MYO3B: variants seen among roughly 807,000 people sequenced by gnomAD.
MYO3B encodes the protein myosin-IIIb.
MYO3B carries 156 observed loss-of-function variants against 174.6 expected under a neutral mutation model. That is an observed-to-expected ratio of 0.89 (90% CI 0.78 to 1.02). The LOEUF (loss-of-function observed/expected upper bound fraction) is 1.02, where lower values mean the gene tolerates loss of function less well. MYO3B is among the 50% of genes least tolerant of loss of function. The pLI, the probability that MYO3B is intolerant of heterozygous loss-of-function variation, is 0.00. For synonymous variants in MYO3B, 563 were observed against 569.1 expected (o/e 0.99, Z 0.15); for missense variants, 1,632 against 1,639.4 (o/e 1.00, Z 0.08).
chr2:170,651,132 A>G (rs1698980208), intron 32 of MYO3B, among the ~76,000 whole-genome samples: 1 of 152,110 alleles, frequency 6.6e-6, no homozygotes, highest in African/African-American at 2.4e-5. Flanking sequence ...TGTTCAAAGC[A>G]TTTCAGTAAA....
At chr2:170,393,226 GGT>G (rs2094424896) in intron 16 of MYO3B, among the ~76,000 whole-genome samples, 1 of 151,738 alleles carries the variant, frequency 6.6e-6, no homozygotes, top group African/African-American at 2.4e-5. Context: ...TGGGGTTACA[GGT>G]GTGTGCCACC....
At chr2:170,479,057 G>T (rs911711460) in intron 25 of MYO3B, among the ~76,000 whole-genome samples, 2 of 150,352 alleles carry the variant, frequency 1.3e-5, no homozygotes, top group African/African-American at 4.9e-5. Flanking sequence ...GCCGAGGCGG[G>T]TGGATCACCT....
intron 6 of MYO3B, among the ~76,000 whole-genome samples, chr2:170,226,226 G>A (rs1024640918): frequency 6.6e-6 from 1 of 152,158 alleles, no homozygotes; most frequent in African/African-American, 2.4e-5. Context: ...GCAGGCTTTG[G>A]GAGCTCAGGA....
At chr2:170,555,269 T>C (rs993748832) in intron 32 of MYO3B, among the ~76,000 whole-genome samples, 1 of 152,202 alleles carries the variant, frequency 6.6e-6, no homozygotes, top group African/African-American at 2.4e-5. Context: ...GAGCCCATAT[T>C]GATACACTAT....
chr2:170,312,797 C>T (rs936641909), intron 7 of MYO3B, among the ~76,000 whole-genome samples: 2 of 152,158 alleles, frequency 1.3e-5, no homozygotes, highest in Admixed American at 1.3e-4. Context: ...ATCACACCTA[C>T]GTACAATTTT....
intron 7 of MYO3B, among the ~76,000 whole-genome samples, chr2:170,279,055 G>T (rs1355789309): frequency 1.3e-5 from 2 of 151,946 alleles, no homozygotes; most frequent in East Asian, 1.9e-4. Flanking sequence ...AGACATTGAG[G>T]TTGATTTTTT....
At chr2:170,184,659 A>T (rs1303767722) in intron 1 of MYO3B, among the ~76,000 whole-genome samples, 3 of 152,206 alleles carry the variant, frequency 2.0e-5, no homozygotes. Flanking sequence ...GGGAGTGCAG[A>T]TAGTTCTTCA....
rs1318033170 is a variant in MYO3B, at chr2:170,651,615, GCT to G, written c.3734-10_3734-9del. ...CTCGGACAGTTTACAGCAAAGTTTT[GCT>G]CTTTTTTCAGGTTCAGAAAATGGTC... On this transcript the variant is annotated splice_polypyrimidine_tract_variant and intron_variant, in intron 32 of 34. Transcript: ENST00000408978. 1 of 1,612,508 alleles carries G rather than the reference GCT, an allele frequency of 6.2e-7. No homozygotes were observed. The highest frequency in any genetic ancestry group is 1.7e-5 in the Admixed American group (1 of 59,972).
At chr2:170,442,782 T>C (rs1485716879) in intron 22 of MYO3B, among the ~76,000 whole-genome samples, 1 of 152,184 alleles carries the variant, frequency 6.6e-6, no homozygotes, top group Non-Finnish European at 1.5e-5. Flanking sequence ...GATAGTTTGC[T>C]CAGAATGATG....
intron 32 of MYO3B, among the ~76,000 whole-genome samples, chr2:170,643,380 A>G (rs1456826676): frequency 6.6e-6 from 1 of 152,184 alleles, no homozygotes; most frequent in African/African-American, 2.4e-5. Flanking sequence ...TACCATGTGC[A>G]TGGTCAACCC....
chr2:170,516,661 T>C (rs1157613515), intron 29 of MYO3B, among the ~76,000 whole-genome samples: 1 of 142,070 alleles, frequency 7.0e-6, no homozygotes, highest in Non-Finnish European at 1.5e-5. Flanking sequence ...AAAAAAAAAA[T>C]GTGAATGGCT....
At chr2:170,222,403 T>C (rs1011630409) in intron 6 of MYO3B, among the ~76,000 whole-genome samples, 11 of 152,222 alleles carry the variant, frequency 7.2e-5, no homozygotes, top group Non-Finnish European at 1.6e-4. Flanking sequence ...AAATATATTA[T>C]CTCACACTTC....
chr2:170,492,757 C>T (rs13017767), intron 25 of MYO3B, among the ~76,000 whole-genome samples: 29,765 of 135,840 alleles, frequency 0.22, 3,746 homozygotes, highest in Non-Finnish European at 0.28. Context: ...TTATGGAGAC[C>T]TGATAGACTT....
At chr2:170,358,291 G>C (rs1304697616) in intron 8 of MYO3B, among the ~76,000 whole-genome samples, 1 of 152,094 alleles carries the variant, frequency 6.6e-6, no homozygotes, top group African/African-American at 2.4e-5. Context: ...TATATGCTGT[G>C]ATATGAATGA....
chr2:170,619,906 C>G (rs1325500379), intron 32 of MYO3B, among the ~76,000 whole-genome samples: 1 of 151,558 alleles, frequency 6.6e-6, no homozygotes, highest in African/African-American at 2.4e-5. Context: ...GCCACCATGC[C>G]TGGCTAATTT....
chr2:170,304,468 CTTT>C (rs34449441), intron 7 of MYO3B, among the ~76,000 whole-genome samples: 1 of 131,818 alleles, frequency 7.6e-6, no homozygotes. Flanking sequence ...TTTTCTTTTT[CTTT>C]TTTTTTTTTT....
rs552531998 is a variant in MYO3B at position 170,398,671 on chromosome 2, C to T, written c.1792-1517C>T. ...AAATAACGAAAGACTCCTAGCATTC[C>T]TATCACTCACTTTCAAGGGTTTTAG... On this transcript the variant is annotated intron_variant, in intron 16 of 34. Transcript: ENST00000408978. Among the ~76,000 whole-genome samples, 3 of 152,240 alleles carry T rather than the reference C, an allele frequency of 2.0e-5. No individual in the cohort carries two copies. The South Asian group carries it at 6.2e-4, about 32-fold the overall frequency.
At chr2:170,250,912 A>T (rs1185957719) in intron 7 of MYO3B, among the ~76,000 whole-genome samples, 1 of 151,654 alleles carries the variant, frequency 6.6e-6, no homozygotes, top group Admixed American at 6.6e-5. Context: ...CCGTTCTGCC[A>T]TTCGTCTGCT....
chr2:170,469,381 T>A (rs1449293766), intron 25 of MYO3B, among the ~76,000 whole-genome samples: 1 of 152,198 alleles, frequency 6.6e-6, no homozygotes, highest in Non-Finnish European at 1.5e-5. Context: ...AGTTTCTAAG[T>A]CTTCTAGGGA....
Sources: gnomAD v4.1 joint callset for allele counts (sites outside exome capture counted in the v4.1 genomes callset) on GRCh38, gnomAD v4.1.1 for gene constraint, MANE v1.5 for transcripts, NCBI Gene and HGNC (gene_info 2026-07-23, HGNC 2026-07-21) for gene names.